CUBN: variants seen among roughly 807,000 people sequenced by gnomAD.
The protein encoded by CUBN is 460 kDa receptor.
In CUBN, 282 loss-of-function variants were observed where a neutral mutation model predicts 405.3. The observed-to-expected ratio is 0.70, with a 90% CI of 0.63 to 0.77. The LOEUF is 0.77. Among genes scored for constraint, CUBN ranks in the 30% least tolerant of loss-of-function variants. CUBN has a pLI of 0.00. For missense variants in CUBN, 4,514 were observed against 4,475.2 expected (o/e 1.01, Z -0.25); for synonymous variants, 1,684 against 1,617.0 (o/e 1.04, Z -0.99).
chr10:16,962,911 G>A (rs1055751162), intron 31 of CUBN, among the ~76,000 whole-genome samples: 3 of 152,108 alleles, frequency 2.0e-5, no homozygotes, highest in Admixed American at 1.3e-4. Flanking sequence ...GTAAGTCTGC[G>A]GGTGTGGAAT....
At chr10:17,079,597 G>T (rs917876048) in intron 17 of CUBN, among the ~76,000 whole-genome samples, 2 of 152,170 alleles carry the variant, frequency 1.3e-5, no homozygotes, top group East Asian at 1.9e-4. Context: ...TCTCTAGAAA[G>T]ATATTTTTCT....
Position 17,085,615 on chromosome 10 carries a change from T to C in CUBN, c.2092A>G (p.Thr698Ala). ...TACTTACAAGGTGATGTTAAGTAGG[T>C]GATATGGAAGCCTTGGTCACTAATC... Reference protein sequence around the residue: ...SQISDQGFHITYLTSPSDLRC... With the variant: ...SQISDQGFHIAYLTSPSDLRC... Residue 698 changes from threonine to alanine, a missense_variant, in exon 16 of 67, where the codon ACC (threonine) becomes GCC (alanine). By Grantham distance (58) the Thr-to-Ala change is moderately conservative. Transcript: ENST00000377833. 1 of 1,614,052 alleles carries C rather than the reference T, an allele frequency of 6.2e-7. No homozygotes were observed.
chr10:17,129,683 A>G lies in CUBN; in HGVS notation c.83T>C (p.Leu28Pro), dbSNP rs1054077052. 1.7e-5 allele frequency: 27 copies of G among 1,614,004 alleles called. No homozygotes were observed. The highest frequency in any genetic ancestry group is 2.7e-5 in the African/African-American group (2 of 74,916). The change falls in exon 1 of 67, where the codon CTT becomes CCT. Residue 28 changes from leucine to proline, a missense_variant. Leu to Pro is a moderately conservative substitution (Grantham distance 98). Coordinates refer to ENST00000377833, the MANE Select transcript of CUBN (RefSeq NM_001081.4). ...FAEVNGEAGE[L>P]ELQRQKRSIN... Reference sequence around the variant, plus strand: ...GCTTCTTTTTTGTCTCTGCAGCTCAAGTTCTCCAGCTTCGCCATTTACTTC... The same window carrying G: ...GCTTCTTTTTTGTCTCTGCAGCTCAGGTTCTCCAGCTTCGCCATTTACTTC...
intron 31 of CUBN, among the ~76,000 whole-genome samples, chr10:16,971,807 T>C (rs942585049): frequency 6.6e-6 from 1 of 152,078 alleles, no homozygotes; most frequent in African/African-American, 2.4e-5. Context: ...ATTTCTCCAT[T>C]TTTTTTAAAA....
chr10:17,056,445 TA>T (rs1835398163), intron 22 of CUBN, among the ~76,000 whole-genome samples: 1 of 151,846 alleles, frequency 6.6e-6, no homozygotes, highest in Non-Finnish European at 1.5e-5. Flanking sequence ...CCGTCTCTAC[TA>T]AAAATACAAA....
chr10:17,081,248 C>T (rs1835960113), intron 17 of CUBN, among the ~76,000 whole-genome samples: 1 of 152,148 alleles, frequency 6.6e-6, no homozygotes, highest in Non-Finnish European at 1.5e-5. Flanking sequence ...TGCCTGGCAA[C>T]CAAGGCACCT....
rs1273680331 is a variant in CUBN, at chr10:17,084,310, C to T, written c.2262G>A (p.Glu754=). 1.9e-6 allele frequency: 3 copies of T among 1,614,136 alleles called. No homozygotes were observed. The highest frequency in any genetic ancestry group is 2.5e-6 in the Non-Finnish European group (3 of 1,180,028). ...GAGAACTGTCACTCTGGCATTGCAGCTCCACGTGGGTGAAGTTGATTTGTA... is the reference window on the plus strand; with the variant it reads ...GAGAACTGTCACTCTGGCATTGCAGTTCCACGTGGGTGAAGTTGATTTGTA... ...EQIQINFTHV[E]LQCQSDSSQN... The change falls in exon 17 of 67, where the codon GAG becomes GAA. Residue 754 remains glutamate (E), a synonymous_variant. Coordinates refer to ENST00000377833, the MANE Select transcript of CUBN (RefSeq NM_001081.4).
intron 60 of CUBN, among the ~76,000 whole-genome samples, chr10:16,843,645 T>C (rs1204332444): frequency 2.6e-5 from 4 of 152,192 alleles, no homozygotes; most frequent in South Asian, 2.1e-4. Context: ...TATGATCACA[T>C]TTATATTAGC....
chr10:16,981,182 C>CACACACACACACACAT (rs1833261383), intron 31 of CUBN, among the ~76,000 whole-genome samples: 1 of 151,684 alleles, frequency 6.6e-6, no homozygotes, highest in South Asian at 2.1e-4. Context: ...TCAGCAGACA[C>CACACACACACACACAT]ACACACACAC....
At chr10:16,891,915 A>G (rs2796839) in intron 54 of CUBN, among the ~76,000 whole-genome samples, 31 of 152,048 alleles carry the variant, frequency 2.0e-4, no homozygotes, top group African/African-American at 6.3e-4. Context: ...TGCCCTTTCT[A>G]TCAACAGACA....
intron 40 of CUBN, among the ~76,000 whole-genome samples, chr10:16,928,532 C>CCCCTT (rs1403918589): frequency 9.3e-4 from 100 of 107,086 alleles, no homozygotes; most frequent in African/African-American, 1.8e-3. Flanking sequence ...CCACCCCCCC[C>CCCCTT]TTTTTTTTTT....
chr10:16,954,248 A>T (rs1325496162), intron 32 of CUBN, 141 bp downstream of exon 32: 1 of 987,850 alleles, frequency 1.0e-6, no homozygotes, highest in African/African-American at 1.6e-5. Context: ...TGTAAGTCAC[A>T]GTTCTTTTGT....
At chr10:16,900,903 A>G (rs1841343243) in intron 52 of CUBN, 53 bp from the exon 53 acceptor site, 4 of 1,169,838 alleles carry the variant, frequency 3.4e-6, no homozygotes, top group Non-Finnish European at 5.1e-6. Context: ...AACTGTTACG[A>G]AGATAAGGCC....
chr10:16,863,806 C>CT (rs1006896588), intron 59 of CUBN, among the ~76,000 whole-genome samples: 2 of 152,034 alleles, frequency 1.3e-5, no homozygotes, highest in African/African-American at 2.4e-5. Context: ...CTGTTTCCTT[C>CT]TTTTTTATCC....
At chr10:16,926,957 G>GT (rs1240792888) in intron 41 of CUBN, among the ~76,000 whole-genome samples, 3 of 151,960 alleles carry the variant, frequency 2.0e-5, no homozygotes, top group East Asian at 3.9e-4. Flanking sequence ...CTAATATGTA[G>GT]TTTTTTATCC....
At chr10:17,034,050 T>C (rs1435732699) in intron 27 of CUBN, among the ~76,000 whole-genome samples, 2 of 152,160 alleles carry the variant, frequency 1.3e-5, no homozygotes, top group Admixed American at 1.3e-4. Flanking sequence ...TATAAGCATC[T>C]GGGGTGAACA....
At chr10:17,000,374 G>A (rs920608203) in intron 28 of CUBN, among the ~76,000 whole-genome samples, 1 of 152,122 alleles carries the variant, frequency 6.6e-6, no homozygotes, top group Admixed American at 6.5e-5. Context: ...TTGTGTTTAA[G>A]GATTGCAAAT....
chr10:17,063,299 CCAA>C (rs1256413978), intron 22 of CUBN, among the ~76,000 whole-genome samples: 1 of 152,174 alleles, frequency 6.6e-6, no homozygotes, highest in Non-Finnish European at 1.5e-5. Flanking sequence ...ATGAGTTCAT[CCAA>C]CAACAAGCGG....
At chr10:16,900,976 C>A (rs1372574358) in intron 52 of CUBN, 126 bp from the exon 53 acceptor site, 1 of 750,764 alleles carries the variant, frequency 1.3e-6, no homozygotes, top group Non-Finnish European at 2.2e-6. Context: ...TTATTTAATT[C>A]TCCCTTCCCC....
Sources: allele counts gnomAD v4.1 joint callset (sites outside exome capture counted in the v4.1 genomes callset), GRCh38; gene constraint gnomAD v4.1.1; transcripts MANE v1.5; gene names NCBI Gene and HGNC (gene_info 2026-07-23, HGNC 2026-07-21).